Variants in KIAA0825 observed in about 807,000 individuals in gnomAD.
KIAA0825 encodes uncharacterized protein KIAA0825.
In KIAA0825, 119 loss-of-function variants were observed where a neutral mutation model predicts 147.6. The ratio of observed to expected loss-of-function variants is 0.81; its 90% CI spans 0.69 to 0.94. The LOEUF (loss-of-function observed/expected upper bound fraction) is 0.94, where lower values mean the gene tolerates loss of function less well. Among genes scored for constraint, KIAA0825 ranks in the 40% least tolerant of loss-of-function variants. KIAA0825 has a pLI of 0.00. For missense variants in KIAA0825, 1,381 were observed against 1,472.7 expected (o/e 0.94, Z 1.02); for synonymous variants, 470 against 518.1 (o/e 0.91, Z 1.26).
chr5:94,431,315 A>C (rs1584473764), intron 14 of KIAA0825, among the ~76,000 whole-genome samples: 1 of 152,344 alleles, frequency 6.6e-6, no homozygotes, highest in South Asian at 2.1e-4. Flanking sequence ...ATCAATGAAT[A>C]AAACAGAATT....
At chr5:94,421,483 T>G (rs1754178894) in intron 14 of KIAA0825, among the ~76,000 whole-genome samples, 1 of 152,220 alleles carries the variant, frequency 6.6e-6, no homozygotes, top group South Asian at 2.1e-4. Context: ...TAGATCACCA[T>G]CATATGCTTA....
intron 13 of KIAA0825, among the ~76,000 whole-genome samples, chr5:94,451,965 A>G (rs1419341031): frequency 6.6e-6 from 1 of 152,204 alleles, no homozygotes; most frequent in African/African-American, 2.4e-5. Flanking sequence ...GTAATGAAAT[A>G]AAATATATTT....
At chr5:94,431,256 G>T (rs1755620999) in intron 14 of KIAA0825, among the ~76,000 whole-genome samples, 1 of 152,118 alleles carries the variant, frequency 6.6e-6, no homozygotes, top group Non-Finnish European at 1.5e-5. Context: ...AATTAATAAG[G>T]TCAATATTAG....
At chr5:94,582,812 G>A (rs925907663) in intron 1 of KIAA0825, among the ~76,000 whole-genome samples, 9 of 152,056 alleles carry the variant, frequency 5.9e-5, no homozygotes, top group African/African-American at 2.2e-4. Context: ...GGTAATAGGG[G>A]CACCTTGGAA....
At chr5:94,485,471 C>T (rs780546702) in intron 5 of KIAA0825, among the ~76,000 whole-genome samples, 1 of 151,766 alleles carries the variant, frequency 6.6e-6, no homozygotes, top group Non-Finnish European at 1.5e-5. Flanking sequence ...CTGAAGTCTA[C>T]TATGCAATGC....
intron 1 of KIAA0825, among the ~76,000 whole-genome samples, chr5:94,609,030 T>C (rs1788189278): frequency 1.3e-5 from 2 of 152,212 alleles, no homozygotes; most frequent in African/African-American, 4.8e-5. Context: ...TTTAAAGTAA[T>C]AGTGTACCAA....
intron 1 of KIAA0825, among the ~76,000 whole-genome samples, chr5:94,610,787 G>GTATATATATA (rs374319650): frequency 7.4e-5 from 7 of 95,106 alleles, no homozygotes; most frequent in African/African-American, 2.9e-4. Context: ...AAAAAAAAAA[G>GTATATATATA]TATATATATA....
chr5:94,376,006 G>C (rs565683809), intron 20 of KIAA0825, among the ~76,000 whole-genome samples: 1 of 152,278 alleles, frequency 6.6e-6, no homozygotes, highest in South Asian at 2.1e-4. Context: ...ACATGGCCTC[G>C]AGCCAAAATC....
intron 3 of KIAA0825, among the ~76,000 whole-genome samples, chr5:94,530,271 C>CAAAAAAAAAA (rs770501364): frequency 1.8e-5 from 1 of 54,606 alleles, no homozygotes; most frequent in Non-Finnish European, 3.5e-5. Flanking sequence ...AACTCCGTCA[C>CAAAAAAAAAA]AAAAAAAAAA....
At chr5:94,313,634 T>G (rs1393046979) in intron 20 of KIAA0825, among the ~76,000 whole-genome samples, 1 of 150,616 alleles carries the variant, frequency 6.6e-6, no homozygotes. Flanking sequence ...TTTTTTTGTA[T>G]CTTGGCTCTG....
At chr5:94,540,194 T>A (rs1773004427) in intron 2 of KIAA0825, among the ~76,000 whole-genome samples, 1 of 152,208 alleles carries the variant, frequency 6.6e-6, no homozygotes, top group Non-Finnish European at 1.5e-5. Context: ...AAAGTTTTGA[T>A]TAATGGGAAA....
intron 20 of KIAA0825, among the ~76,000 whole-genome samples, chr5:94,332,160 C>CAAAAAAAAAA (rs34035583): frequency 1.1e-5 from 1 of 93,918 alleles, no homozygotes. Flanking sequence ...GACTCCATCT[C>CAAAAAAAAAA]AAAAAAAAAA....
At chr5:94,408,038 A>T (rs1752289363) in intron 15 of KIAA0825, among the ~76,000 whole-genome samples, 1 of 152,232 alleles carries the variant, frequency 6.6e-6, no homozygotes, top group Admixed American at 6.5e-5. Flanking sequence ...CTGTGGAAGC[A>T]CAAAAGTATC....
intron 2 of KIAA0825, among the ~76,000 whole-genome samples, chr5:94,553,229 A>G (rs746247044): frequency 6.6e-6 from 1 of 152,084 alleles, no homozygotes; most frequent in Non-Finnish European, 1.5e-5. Flanking sequence ...ACCTGAGGTC[A>G]GGATTTCAAG....
rs115286353 is a variant in KIAA0825, at chr5:94,550,571, G to A, written c.-1-13444C>T. On this transcript the variant is annotated intron_variant, in intron 2 of 20. Transcript: ENST00000682413. ...CATTTGAAGAAACACAATAATTCAC[G>A]GTAGCTCACACCTGTAATCCCAGCA... 5.7e-3 allele frequency among the ~76,000 whole-genome samples: 863 copies of A among 152,206 alleles called. 9 individuals carry two copies. Among genetic ancestry groups the A allele is most frequent in the African/African-American group, 0.02 (826 of 41,526 alleles).
At chr5:94,476,135 C>A (rs946627344) in intron 7 of KIAA0825, among the ~76,000 whole-genome samples, 1 of 152,124 alleles carries the variant, frequency 6.6e-6, no homozygotes, top group Non-Finnish European at 1.5e-5. Context: ...TTATTAAAGG[C>A]GAAAACTCTG....
At chr5:94,594,071 G>C in intron 1 of KIAA0825, 2 of 536,696 alleles carry the variant, frequency 3.7e-6, no homozygotes, top group South Asian at 2.8e-5. Context: ...TTCTACTTAG[G>C]TATATTGGAT....
At chr5:94,613,151 T>C (rs1789364611) in intron 1 of KIAA0825, among the ~76,000 whole-genome samples, 1 of 152,172 alleles carries the variant, frequency 6.6e-6, no homozygotes, top group Non-Finnish European at 1.5e-5. Flanking sequence ...ACTTTTTATA[T>C]GGGATGTATG....
intron 20 of KIAA0825, among the ~76,000 whole-genome samples, chr5:94,220,301 G>A (rs977810570): frequency 1.3e-5 from 2 of 152,088 alleles, no homozygotes; most frequent in African/African-American, 4.8e-5. Flanking sequence ...CATCTCTCAT[G>A]ACAATTCTGC....
Sources: allele counts gnomAD v4.1 joint callset (sites outside exome capture counted in the v4.1 genomes callset), GRCh38; gene constraint gnomAD v4.1.1; transcripts MANE v1.5; gene names NCBI Gene and HGNC (gene_info 2026-07-23, HGNC 2026-07-21).